Variants in GFM1 observed in about 807,000 individuals in gnomAD.
GFM1 encodes the protein elongation factor G, mitochondrial.
Under a neutral mutation model 96.2 loss-of-function variants are expected in GFM1, and 62 were observed. That is an observed-to-expected ratio of 0.64 (90% CI 0.53 to 0.80). The LOEUF (loss-of-function observed/expected upper bound fraction) is 0.80. Ranked by LOEUF, GFM1 falls within the 30% of genes least tolerant of loss-of-function variation. GFM1 has a pLI of 0.00. For synonymous variants in GFM1, 282 were observed against 312.9 expected, an observed-to-expected ratio of 0.90 and a Z score of 1.04; for missense variants, 852 against 916.6, an observed-to-expected ratio of 0.93 and a Z score of 0.91.
At chr3:158,646,114 T>G (rs775118583) in intron 2 of GFM1, 51 bp from the exon 3 acceptor site, 1 of 1,611,794 alleles carries the variant, frequency 6.2e-7, no homozygotes, top group Non-Finnish European at 8.5e-7. Flanking sequence ...ATTTCTTTCC[T>G]TCTTGGAATG....
intron 15 of GFM1, among the ~76,000 whole-genome samples, chr3:158,688,520 C>T (rs564298601): frequency 2.0e-5 from 3 of 152,194 alleles, no homozygotes; most frequent in Non-Finnish European, 4.4e-5. Context: ...TTTTACATTA[C>T]TATCCTATTG....
At chr3:158,676,701 CTTTT>C (rs201525716) in intron 13 of GFM1, among the ~76,000 whole-genome samples, 1 of 140,370 alleles carries the variant, frequency 7.1e-6, no homozygotes. Context: ...TTTTCTTTTT[CTTTT>C]TTTTTTTTTT....
chr3:158,667,535 G>A (rs892288749), intron 13 of GFM1, among the ~76,000 whole-genome samples: 4 of 152,112 alleles, frequency 2.6e-5, no homozygotes, highest in Admixed American at 2.0e-4. Flanking sequence ...CCTATAATCC[G>A]AGCACTTTGC....
At chr3:158,648,407 G>A (rs557179310) in intron 4 of GFM1, among the ~76,000 whole-genome samples, 2 of 152,186 alleles carry the variant, frequency 1.3e-5, no homozygotes, top group East Asian at 1.9e-4. Flanking sequence ...GGCCGGGCGC[G>A]GTGGCTCACA....
At chr3:158,679,409 A>G (rs946774230) in intron 13 of GFM1, among the ~76,000 whole-genome samples, 2 of 152,202 alleles carry the variant, frequency 1.3e-5, no homozygotes, top group Admixed American at 1.3e-4. Flanking sequence ...AAGAAAATGA[A>G]CAAAAATGTA....
intron 11 of GFM1, among the ~76,000 whole-genome samples, chr3:158,664,249 G>A (rs1383864172): frequency 6.6e-6 from 1 of 152,168 alleles, no homozygotes; most frequent in East Asian, 1.9e-4. Flanking sequence ...CAAACGTAGT[G>A]GCTTAAAACA....
Position 158,648,664 on chromosome 3 carries a change from C to T in GFM1, c.573-377C>T, listed in dbSNP as rs371929175. ...TCACACTTCAGCCTTGGCAACAGGG[C>T]GAGACTCTTGTCTCAAAAAAAAAAA... On this transcript the variant is annotated intron_variant, in intron 4 of 17. Transcript: ENST00000486715. Among the ~76,000 whole-genome samples the T allele has an allele frequency of 9.2e-5, 11 of 119,590 alleles. 1 individual carries two copies. The highest frequency in any genetic ancestry group is 4.7e-4 in the East Asian group (2 of 4,258). The allele number at this position is 119,590 out of a possible 152,430, so 78.5% of individuals were successfully genotyped here.
chr3:158,653,165 C>T (rs1722432273), intron 6 of GFM1, 145 bp from the exon 7 acceptor site: 1 of 630,954 alleles, frequency 1.6e-6, no homozygotes, highest in Non-Finnish European at 2.7e-6. Context: ...ACCTTAAGTT[C>T]ATTGGAGACC....
chr3:158,663,793 T>C (rs953250964), intron 11 of GFM1, among the ~76,000 whole-genome samples: 1 of 152,226 alleles, frequency 6.6e-6, no homozygotes, highest in Admixed American at 6.5e-5. Flanking sequence ...AAATCAATGC[T>C]TCAATATCCA....
At chr3:158,667,708 A>G (rs1378855293) in intron 13 of GFM1, among the ~76,000 whole-genome samples, 1 of 152,136 alleles carries the variant, frequency 6.6e-6, no homozygotes, top group Admixed American at 6.5e-5. Context: ...GGACCGCCTG[A>G]GCCTGGGAGA....
chr3:158,669,497 T>G, intron 13 of GFM1: 1 of 1,614,010 alleles, frequency 6.2e-7, no homozygotes, highest in Non-Finnish European at 8.5e-7. Context: ...ATGTGTTGTC[T>G]TCTTCATCTG....
chr3:158,652,689 A>G (rs756304292), intron 6 of GFM1, among the ~76,000 whole-genome samples: 3 of 152,224 alleles, frequency 2.0e-5, no homozygotes, highest in Admixed American at 2.0e-4. Flanking sequence ...TGCTACTGTC[A>G]TGACCTGTAA....
At chr3:158,668,994 AC>A (rs780786585) in intron 13 of GFM1, 2 of 1,606,640 alleles carry the variant, frequency 1.2e-6, no homozygotes, top group Admixed American at 3.4e-5. Flanking sequence ...GAAACTACTT[AC>A]CACTTGCTTG....
rs1478067554 is a variant in GFM1, at chr3:158,652,007, AT to A, written c.690-88del. 1.1e-4 allele frequency: 133 copies of A among 1,157,712 alleles called. 2 individuals are homozygous for A. Among genetic ancestry groups the A allele is most frequent in the Non-Finnish European group, 1.6e-4 (128 of 783,306 alleles). The allele number at this position is 1,157,712 out of a possible 1,614,324, so 71.7% of individuals were successfully genotyped here. The stretch of plus-strand genomic sequence containing the variant: ...TCAGAGCTCTTTGTTACCTAAAAAA[AT>A]ATTTTAACCATTAATCATATATTTT... On this transcript the variant is annotated intron_variant, in intron 5 of 17. Coordinates refer to ENST00000486715, the MANE Select transcript of GFM1 (RefSeq NM_024996.7).
intron 8 of GFM1, among the ~76,000 whole-genome samples, chr3:158,658,157 CTTTTTTTTT>C (rs397842738): frequency 2.1e-5 from 2 of 97,358 alleles, no homozygotes; most frequent in South Asian, 3.4e-4. Context: ...TCACAGAACT[CTTTTTTTTT>C]TTTTTTTTTT....
At chr3:158,647,555 T>TA (rs1467758225) in intron 4 of GFM1, among the ~76,000 whole-genome samples, 9 of 152,258 alleles carry the variant, frequency 5.9e-5, no homozygotes, top group Non-Finnish European at 1.3e-4. Context: ...AGCTCATACT[T>TA]ACGTTTCACA....
intron 5 of GFM1, chr3:158,649,643 G>C (rs1263763892): frequency 4.3e-6 from 1 of 233,556 alleles, no homozygotes; most frequent in Non-Finnish European, 8.4e-6. Context: ...TACAAATGTG[G>C]TTTGGGAAAT....
chr3:158,655,955 T>C (rs758646293), intron 8 of GFM1: 1 of 456,482 alleles, frequency 2.2e-6, no homozygotes, highest in Middle Eastern at 3.3e-4. Context: ...ACGAGATTGA[T>C]ATTTTTGAGA....
At chr3:158,663,507 A>AT (rs202154246) in intron 11 of GFM1, among the ~76,000 whole-genome samples, 1 of 122,270 alleles carries the variant, frequency 8.2e-6, no homozygotes, top group Admixed American at 7.5e-5. Flanking sequence ...GAACCTTGGG[A>AT]TTTTCCAGAC....
Sources: gnomAD v4.1 joint callset for allele counts (sites outside exome capture counted in the v4.1 genomes callset) on GRCh38, gnomAD v4.1.1 for gene constraint, MANE v1.5 for transcripts, NCBI Gene and HGNC (gene_info 2026-07-23, HGNC 2026-07-21) for gene names.